MYO9B: variants seen among roughly 807,000 people sequenced by gnomAD.
MYO9B encodes myosin IXB, also known as unconventional myosin-IXb.
A neutral mutation model predicts 229.5 loss-of-function variants in MYO9B; 71 were observed. The ratio of observed to expected loss-of-function variants is 0.31; its 90% CI spans 0.26 to 0.38. MYO9B has a LOEUF of 0.38. Among genes scored for constraint, MYO9B ranks in the 10% least tolerant of loss-of-function variants. The pLI, the probability that MYO9B is intolerant of heterozygous loss-of-function variation, is 1.00. For synonymous variants in MYO9B, 1,185 were observed against 1,235.8 expected (o/e 0.96, Z 0.86); for missense variants, 2,255 against 2,920.5 (o/e 0.77, Z 5.25).
At chr19:17,111,910 A>C (rs192341324) in intron 2 of MYO9B, among the ~76,000 whole-genome samples, 92 of 152,276 alleles carry the variant, frequency 6.0e-4, no homozygotes, top group Non-Finnish European at 8.4e-4. Flanking sequence ...GGCTTCTCTC[A>C]CTTGGTATCA....
intron 35 of MYO9B, among the ~76,000 whole-genome samples, chr19:17,208,433 C>CT (rs919188556): frequency 1.8e-4 from 27 of 146,150 alleles, no homozygotes; most frequent in Middle Eastern, 3.6e-3. Context: ...TAAAACAGAA[C>CT]TTTTTTTTTT....
chr19:17,179,420 A>ATTTTTTTTT, intron 14 of MYO9B, among the ~76,000 whole-genome samples: 1 of 86,690 alleles, frequency 1.2e-5, no homozygotes, highest in African/African-American at 5.3e-5. Flanking sequence ...GCCCCAACTG[A>ATTTTTTTTT]TTTTTTTTTT....
At chr19:17,151,775 G>A (rs571424344) in intron 3 of MYO9B, among the ~76,000 whole-genome samples, 1 of 152,260 alleles carries the variant, frequency 6.6e-6, no homozygotes, top group South Asian at 2.1e-4. Context: ...AAACTAGCCT[G>A]TAGTCCCAGC....
chr19:17,202,386 C>A, intron 28 of MYO9B, 83 bp downstream of exon 28: 2 of 1,362,014 alleles, frequency 1.5e-6, no homozygotes, highest in Middle Eastern at 2.2e-4. Context: ...CCCACCCATG[C>A]CTCACCATGC....
At chr19:17,133,920 C>T (rs941970813) in intron 2 of MYO9B, among the ~76,000 whole-genome samples, 3 of 152,100 alleles carry the variant, frequency 2.0e-5, no homozygotes, top group Non-Finnish European at 2.9e-5. Flanking sequence ...GCCACCACGC[C>T]CGGCTAATTT....
In MYO9B at chr19:17,183,960, C is replaced by T. The variant is rs1441675997; in HGVS notation, c.2373+92C>T. On this transcript the variant is annotated intron_variant, in intron 16 of 39. Coordinates refer to ENST00000682292, the MANE Select transcript of MYO9B (RefSeq NM_004145.4). ...GCTTTCACTTCTGCAACTTCATTTC[C>T]TCCTCCTTCCCACTATCTCCCCCTC... 3 of 1,253,554 alleles carry T rather than the reference C, an allele frequency of 2.4e-6. No individual in the cohort carries two copies. In the African/African-American group the frequency reaches 4.6e-5, roughly 19 times the overall value. The allele number at this position is 1,253,554 out of a possible 1,614,324, so 77.7% of individuals were successfully genotyped here.
intron 2 of MYO9B, among the ~76,000 whole-genome samples, chr19:17,129,038 G>A (rs568698925): frequency 7.9e-5 from 12 of 152,268 alleles, no homozygotes; most frequent in East Asian, 7.7e-4. Context: ...GAAGTTCTGC[G>A]TGGCTCATGG....
rs1568275676 is a variant in MYO9B, at chr19:17,152,632, T to G, written c.936-12T>G. 2 of 1,607,412 alleles carry G rather than the reference T, an allele frequency of 1.2e-6. No individual in the cohort carries two copies. The highest frequency in any genetic ancestry group is 2.2e-5 in the East Asian group (1 of 44,858). On this transcript the variant is annotated splice_polypyrimidine_tract_variant and intron_variant, in intron 3 of 39. Transcript: ENST00000682292. ...TAATGTTTTATTCTTTCTGTTTTTC[T>G]CTTAATGACAGAGCTGTCGTCGAGA...
rs761009585 is a variant in MYO9B, at chr19:17,212,144, G to A, written c.6308G>A (p.Arg2103His). 25 of 1,586,872 alleles carry A rather than the reference G, an allele frequency of 1.6e-5. No individual in the cohort carries two copies. The highest frequency in any genetic ancestry group is 3.6e-5 in the Admixed American group (2 of 55,598). The change falls in exon 40 of 40, where the codon CGC becomes CAC. Residue 2103 changes from arginine to histidine, a missense_variant. Arg to His is a conservative substitution (Grantham distance 29). This residue lies in a region of MYO9B where 331 missense variants were observed against 332.5 expected (regional missense o/e 1.00). Coordinates refer to ENST00000682292, the MANE Select transcript of MYO9B (RefSeq NM_004145.4). This position sits in a 1 kb window ranked among gnomAD's most constrained non-coding sequence, Gnocchi z 5.4. ...CGGCGCCGGGAGCCACCTGCCCGCC[G>A]CCCGGACCAGATACATTCCGTGTAC... The part of the protein sequence containing the change: ...PVRRREPPAR[R>H]PDQIHSVYIT...
rs953044973 is a variant in MYO9B, at chr19:17,173,672, C to T, written c.2140+709C>T. ...CCTCAAAGGGACATTTCTGTTCCCCCGTCCTAGACAGAGATGGTTTGAGGC... is the reference window on the plus strand; with the variant it reads ...CCTCAAAGGGACATTTCTGTTCCCCTGTCCTAGACAGAGATGGTTTGAGGC... On this transcript the variant is annotated intron_variant, in intron 13 of 39. Transcript: ENST00000682292. Among the ~76,000 whole-genome samples, 9 of 152,144 alleles carry T rather than the reference C, an allele frequency of 5.9e-5. No homozygotes were observed. In the East Asian group the frequency reaches 1.3e-3, roughly 23 times the overall value.
intron 1 of MYO9B, among the ~76,000 whole-genome samples, chr19:17,084,710 A>C (rs1443777186): frequency 2.2e-4 from 26 of 117,452 alleles, no homozygotes; most frequent in Non-Finnish European, 3.7e-5. Context: ...CTAAAAATAC[A>C]AAAAAAAAAA....
chr19:17,198,822 G>C (rs987991740), intron 24 of MYO9B, among the ~76,000 whole-genome samples: 1 of 150,178 alleles, frequency 6.7e-6, no homozygotes, highest in Non-Finnish European at 1.5e-5. Context: ...TCCTTGGCTT[G>C]TGGCTCCATC....
chr19:17,080,229 T>C (rs2057522428), intron 1 of MYO9B, among the ~76,000 whole-genome samples: 1 of 152,226 alleles, frequency 6.6e-6, no homozygotes, highest in Admixed American at 6.5e-5. Context: ...GGGTGTTTCA[T>C]GACTGTTGTT....
chr19:17,141,523 C>T (rs1393274775), intron 2 of MYO9B, among the ~76,000 whole-genome samples: 1 of 152,180 alleles, frequency 6.6e-6, no homozygotes, highest in African/African-American at 2.4e-5. Context: ...TCTCTCTCAT[C>T]TACAAGGCCT....
chr19:17,145,305 A>G lies in MYO9B; in HGVS notation c.841-92A>G, dbSNP rs138706731. ...AAAAAATAGATAAATTGAACAATAC[A>G]AAATATAAAAGCACAGTGTAAAATG... On this transcript the variant is annotated intron_variant, in intron 2 of 39. Coordinates refer to ENST00000682292, the MANE Select transcript of MYO9B (RefSeq NM_004145.4). 177 of 1,179,584 alleles carry G rather than the reference A, an allele frequency of 1.5e-4. 1 individual carries two copies. In the East Asian group the frequency reaches 3.8e-3, roughly 26 times the overall value. 73.1% of individuals were successfully genotyped at this position (1,179,584 alleles called of 1,614,324 possible).
At chr19:17,077,230 C>G (rs898583852) in intron 1 of MYO9B, among the ~76,000 whole-genome samples, 2 of 152,212 alleles carry the variant, frequency 1.3e-5, no homozygotes, top group Non-Finnish European at 2.9e-5. Flanking sequence ...CCTTTCCCAA[C>G]TGTAGGGATC....
intron 2 of MYO9B, among the ~76,000 whole-genome samples, chr19:17,120,526 T>C (rs1206485439): frequency 4.0e-5 from 6 of 151,180 alleles, no homozygotes. Context: ...CCCCAGCTAC[T>C]CAGGAGGCTG....
rs549009768 is a variant in MYO9B at position 17,082,155 on chromosome 19, C to G, written c.-59+6281C>G. ...CTGGGAGCCAGGCTCAGAGCTGGCC[C>G]TTGGGGAGACTGAGGAGAACAGAAA... On this transcript the variant is annotated intron_variant, in intron 1 of 39. Transcript: ENST00000682292. 1.0e-3 allele frequency among the ~76,000 whole-genome samples: 154 copies of G among 152,330 alleles called. 2 individuals are homozygous for G. In the South Asian group the frequency reaches 0.031, roughly 31 times the overall value.
In MYO9B at chr19:17,162,400, C is replaced by T. The variant is rs757955994; in HGVS notation, c.1470C>T (p.Phe490=). 1.3e-5 allele frequency: 20 copies of T among 1,589,148 alleles called. No individual in the cohort carries two copies. Among genetic ancestry groups the T allele is most frequent in the Middle Eastern group, 1.7e-4 (1 of 6,058 alleles). The change falls in exon 9 of 40, where the codon TTC becomes TTT. Residue 490 remains phenylalanine (F), a synonymous_variant. Coordinates refer to ENST00000682292, the MANE Select transcript of MYO9B (RefSeq NM_004145.4). ...CCAAGTCTCTGTACAGCGCCCTGTTCGACTGGATTGTGCTGCGGATCAACC... is the reference window on the plus strand; with the variant it reads ...CCAAGTCTCTGTACAGCGCCCTGTTTGACTGGATTGTGCTGCGGATCAACC... The part of the protein sequence containing the change: ...SMAKSLYSAL[F]DWIVLRINHA...
Sources: gnomAD v4.1 joint callset for allele counts (sites outside exome capture counted in the v4.1 genomes callset) on GRCh38, gnomAD v4.1.1 for gene constraint, gnomAD v4.1.1 regional missense constraint, Gnocchi (gnomAD v3.1) non-coding constraint, MANE v1.5 for transcripts, NCBI Gene and HGNC (gene_info 2026-07-23, HGNC 2026-07-21) for gene names.